The following HS6ST3 variants were observed in gnomAD, a reference collection of about 807,000 sequenced individuals.
The protein encoded by HS6ST3 is heparan sulfate 6-O-sulfotransferase 3, also known as heparan-sulfate 6-O-sulfotransferase 3.
Under a neutral mutation model 36.7 loss-of-function variants are expected in HS6ST3, and 12 were observed. The observed-to-expected ratio is 0.33, with a 90% CI of 0.21 to 0.53. The LOEUF (loss-of-function observed/expected upper bound fraction) is 0.53. Ranked by LOEUF, HS6ST3 falls within the 20% of genes least tolerant of loss-of-function variation. The probability of loss-of-function intolerance (pLI) is 0.95; values close to 1 mark genes in which losing one functional copy is unlikely to be tolerated. For missense variants in HS6ST3, 584 were observed against 640.9 expected, an observed-to-expected ratio of 0.91 and a Z score of 0.96; for synonymous variants, 240 against 257.5, an observed-to-expected ratio of 0.93 and a Z score of 0.65.
intron 1 of HS6ST3, among the ~76,000 whole-genome samples, chr13:96,441,625 A>T (rs2055671872): frequency 6.6e-6 from 1 of 152,246 alleles, no homozygotes; most frequent in African/African-American, 2.4e-5. Flanking sequence ...AAAATAAAAA[A>T]GTTATAATTG....
chr13:96,151,396 T>C (rs2054084081), intron 1 of HS6ST3, among the ~76,000 whole-genome samples: 1 of 108,718 alleles, frequency 9.2e-6, no homozygotes. Context: ...AGAGCAAGAC[T>C]CCATCTTGGA....
chr13:96,575,676 G>C (rs2056318027), intron 1 of HS6ST3, among the ~76,000 whole-genome samples: 2 of 152,214 alleles, frequency 1.3e-5, no homozygotes. Context: ...CAAATAGCTT[G>C]TTTTAATCTA....
intron 1 of HS6ST3, among the ~76,000 whole-genome samples, chr13:96,161,272 C>T (rs2054134462): frequency 6.6e-6 from 1 of 152,076 alleles, no homozygotes. Flanking sequence ...TATAGAGGCC[C>T]AGTTAAAGAA....
At chr13:96,644,575 G>T (rs1008455600) in intron 1 of HS6ST3, among the ~76,000 whole-genome samples, 1 of 152,008 alleles carries the variant, frequency 6.6e-6, no homozygotes, top group African/African-American at 2.4e-5. Context: ...TTAGGGCACT[G>T]CCTCAGGGGT....
chr13:96,164,040 T>G (rs35805243), intron 1 of HS6ST3, among the ~76,000 whole-genome samples: 11,962 of 152,226 alleles, frequency 0.079, 601 homozygotes, highest in East Asian at 0.18. Flanking sequence ...GTGCTTTACT[T>G]CAGGGACTGT....
intron 1 of HS6ST3, among the ~76,000 whole-genome samples, chr13:96,326,202 G>GT (rs2055030428): frequency 6.7e-6 from 1 of 148,238 alleles, no homozygotes; most frequent in Non-Finnish European, 1.5e-5. Flanking sequence ...TATACTTTAA[G>GT]TTTTAGGGTA....
chr13:96,125,933 C>G (rs1187506439), intron 1 of HS6ST3, among the ~76,000 whole-genome samples: 1 of 151,988 alleles, frequency 6.6e-6, no homozygotes, highest in Non-Finnish European at 1.5e-5. Flanking sequence ...CTCCCCACTC[C>G]CCCTACCCCA....
chr13:96,793,654 T>C (rs2138522053), intron 1 of HS6ST3, among the ~76,000 whole-genome samples: 1 of 152,236 alleles, frequency 6.6e-6, no homozygotes, highest in Middle Eastern at 3.4e-3. Flanking sequence ...CAATGTTTCC[T>C]GCCAGCTTTC....
intron 1 of HS6ST3, among the ~76,000 whole-genome samples, chr13:96,296,008 G>A (rs1291064653): frequency 6.6e-6 from 1 of 151,928 alleles, no homozygotes; most frequent in Non-Finnish European, 1.5e-5. Flanking sequence ...TCTAGTCCTG[G>A]GCCCTCAGTA....
intron 1 of HS6ST3, among the ~76,000 whole-genome samples, chr13:96,449,253 T>C (rs952843068): frequency 1.3e-5 from 2 of 152,228 alleles, no homozygotes; most frequent in African/African-American, 4.8e-5. Flanking sequence ...TGAGCCACTG[T>C]GCCTGGCATA....
intron 1 of HS6ST3, among the ~76,000 whole-genome samples, chr13:96,719,166 C>T (rs948389667): frequency 2.6e-5 from 4 of 151,398 alleles, no homozygotes; most frequent in Non-Finnish European, 5.9e-5. Flanking sequence ...CCCAGCTAGT[C>T]GGGAGACTGA....
chr13:96,266,267 C>A (rs2054692047), intron 1 of HS6ST3, among the ~76,000 whole-genome samples: 1 of 152,154 alleles, frequency 6.6e-6, no homozygotes, highest in Non-Finnish European at 1.5e-5. Context: ...GGGACCCAAA[C>A]TTCTGTTAGA....
At chr13:96,586,076 C>G (rs1424726203) in intron 1 of HS6ST3, among the ~76,000 whole-genome samples, 1 of 151,952 alleles carries the variant, frequency 6.6e-6, no homozygotes, top group African/African-American at 2.4e-5. Context: ...CTACTTTTGT[C>G]TTGCTAGTTT....
chr13:96,123,877 A>G (rs1453113977), intron 1 of HS6ST3, among the ~76,000 whole-genome samples: 2 of 152,148 alleles, frequency 1.3e-5, no homozygotes, highest in Admixed American at 6.5e-5. Context: ...ATCCTTTTGA[A>G]GCTTCTTCCA....
At chr13:96,393,214 A>C (rs1219376942) in intron 1 of HS6ST3, among the ~76,000 whole-genome samples, 1 of 152,096 alleles carries the variant, frequency 6.6e-6, no homozygotes, top group Non-Finnish European at 1.5e-5. Flanking sequence ...TTTCTTCATA[A>C]ATGATCCAGT....
chr13:96,573,650 G>A, intron 1 of HS6ST3: 1 of 277,424 alleles, frequency 3.6e-6, no homozygotes, highest in Non-Finnish European at 6.9e-6. Context: ...ATCCTCCACT[G>A]GAGTCCAAGT....
chr13:96,286,394 A>T (rs2054802701), intron 1 of HS6ST3, among the ~76,000 whole-genome samples: 1 of 151,434 alleles, frequency 6.6e-6, no homozygotes, highest in Non-Finnish European at 1.5e-5. Context: ...GTGTGGAGGG[A>T]GGGGGTTTAT....
At chr13:96,546,278 G>A (rs2056197286) in intron 1 of HS6ST3, among the ~76,000 whole-genome samples, 1 of 152,038 alleles carries the variant, frequency 6.6e-6, no homozygotes, top group South Asian at 2.1e-4. Context: ...ATTCTTTAGG[G>A]CCCTTCAGAA....
At chr13:96,762,357 G>A (rs765393375) in intron 1 of HS6ST3, among the ~76,000 whole-genome samples, 46 of 152,294 alleles carry the variant, frequency 3.0e-4, no homozygotes, top group Non-Finnish European at 5.0e-4. Context: ...GTGGGTGCCT[G>A]TAATCCCAGC....
Sources: allele counts gnomAD v4.1 joint callset (sites outside exome capture counted in the v4.1 genomes callset), GRCh38; gene constraint gnomAD v4.1.1; transcripts MANE v1.5; gene names NCBI Gene and HGNC (gene_info 2026-07-23, HGNC 2026-07-21).